Variants in AGBL4 observed in about 807,000 individuals in gnomAD.
The protein encoded by AGBL4 is AGBL carboxypeptidase 4, also known as cytosolic carboxypeptidase 6.
In AGBL4, 58 loss-of-function variants were observed where a neutral mutation model predicts 66.4. The ratio of observed to expected loss-of-function variants is 0.87; its 90% confidence interval spans 0.71 to 1.09. AGBL4 has a LOEUF of 1.09. AGBL4 is among the 50% of genes least tolerant of loss of function. The pLI, the probability that AGBL4 is intolerant of heterozygous loss-of-function variation, is 0.00. For missense variants in AGBL4, 579 were observed against 631.0 expected (o/e 0.92, Z 0.88); for synonymous variants, 234 against 222.9 (o/e 1.05, Z -0.44).
At chr1:48,703,473 C>T (rs538747706) in intron 6 of AGBL4, among the ~76,000 whole-genome samples, 25 of 151,830 alleles carry the variant, frequency 1.6e-4, no homozygotes, top group South Asian at 8.4e-4. Flanking sequence ...AGTCTAGATT[C>T]GAATTATCAA....
At chr1:48,631,613 C>T (rs1318919331) in intron 9 of AGBL4, among the ~76,000 whole-genome samples, 7 of 152,270 alleles carry the variant, frequency 4.6e-5, no homozygotes, top group African/African-American at 1.2e-4. Flanking sequence ...AGGCTGGTCT[C>T]GAACTCCTGA....
At chr1:49,478,248 G>A (rs1207192883) in intron 3 of AGBL4, among the ~76,000 whole-genome samples, 1 of 151,286 alleles carries the variant, frequency 6.6e-6, no homozygotes, top group East Asian at 2.0e-4. Flanking sequence ...ACCAATAGAA[G>A]ACTAACTCAA....
intron 3 of AGBL4, among the ~76,000 whole-genome samples, chr1:49,441,981 T>A (rs1280115123): frequency 6.6e-6 from 1 of 152,172 alleles, no homozygotes; most frequent in East Asian, 1.9e-4. Context: ...AGTGCCCAAT[T>A]TGTCAGCAGC....
chr1:49,946,454 T>A (rs558636532), intron 1 of AGBL4, among the ~76,000 whole-genome samples: 93 of 152,210 alleles, frequency 6.1e-4, no homozygotes, highest in African/African-American at 1.8e-3. Context: ...TGCTCCTGAA[T>A]GATCATTGAG....
At chr1:49,960,396 A>C (rs1657020723) in intron 1 of AGBL4, among the ~76,000 whole-genome samples, 1 of 152,082 alleles carries the variant, frequency 6.6e-6, no homozygotes, top group Non-Finnish European at 1.5e-5. Context: ...AGTAGAACAG[A>C]AGTTACTATA....
chr1:49,424,324 C>T (rs181128264), intron 3 of AGBL4, among the ~76,000 whole-genome samples: 6 of 152,238 alleles, frequency 3.9e-5, no homozygotes, highest in South Asian at 2.1e-4. Flanking sequence ...TCCCCTCCTC[C>T]GCTCTTGGAG....
At chr1:49,308,659 C>A (rs1363043086) in intron 3 of AGBL4, among the ~76,000 whole-genome samples, 1 of 152,040 alleles carries the variant, frequency 6.6e-6, no homozygotes, top group African/African-American at 2.4e-5. Flanking sequence ...CTTCTTCTAA[C>A]ATTTATATTT....
At chr1:49,468,831 T>G (rs2148709437) in intron 3 of AGBL4, among the ~76,000 whole-genome samples, 2 of 152,024 alleles carry the variant, frequency 1.3e-5, no homozygotes, top group East Asian at 3.9e-4. Context: ...AAGCATTGTA[T>G]GTGTATATAA....
intron 9 of AGBL4, among the ~76,000 whole-genome samples, chr1:48,604,538 C>A (rs1645126995): frequency 6.6e-6 from 1 of 151,754 alleles, no homozygotes; most frequent in Non-Finnish European, 1.5e-5. Context: ...TAAGTGACTA[C>A]AGAGGAGGTC....
intron 2 of AGBL4, among the ~76,000 whole-genome samples, chr1:49,734,029 A>C (rs1649665704): frequency 1.3e-5 from 2 of 152,186 alleles, no homozygotes; most frequent in South Asian, 4.1e-4. Context: ...AAGAGTATTA[A>C]AATAATAAGA....
intron 3 of AGBL4, among the ~76,000 whole-genome samples, chr1:49,586,715 C>T (rs532622738): frequency 1.2e-4 from 18 of 152,188 alleles, no homozygotes; most frequent in Non-Finnish European, 2.5e-4. Flanking sequence ...GTGCTCTTTT[C>T]GTTAAAGCAG....
intron 5 of AGBL4, among the ~76,000 whole-genome samples, chr1:48,913,138 G>A (rs866213485): frequency 1.3e-5 from 2 of 152,324 alleles, no homozygotes; most frequent in South Asian, 2.1e-4. Flanking sequence ...ACTGGATCAT[G>A]CAAGACCTTG....
chr1:49,682,296 CA>C (rs1646709945), intron 3 of AGBL4, among the ~76,000 whole-genome samples: 2 of 152,022 alleles, frequency 1.3e-5, no homozygotes, highest in Admixed American at 1.3e-4. Flanking sequence ...GTCCCAGGTA[CA>C]GGAGGCTGAG....
chr1:49,215,609 T>G (rs1649025059), intron 4 of AGBL4, among the ~76,000 whole-genome samples: 1 of 152,110 alleles, frequency 6.6e-6, no homozygotes, highest in Non-Finnish European at 1.5e-5. Context: ...TCACATTCTC[T>G]TCCCATATCA....
At chr1:48,619,707 C>G (rs1474485183) in intron 9 of AGBL4, among the ~76,000 whole-genome samples, 3 of 152,188 alleles carry the variant, frequency 2.0e-5, no homozygotes, top group Non-Finnish European at 4.4e-5. Flanking sequence ...CTGAGTAAGT[C>G]AATCCTCCCG....
chr1:48,751,311 A>G (rs894911303), intron 6 of AGBL4, among the ~76,000 whole-genome samples: 10 of 152,234 alleles, frequency 6.6e-5, no homozygotes, highest in African/African-American at 1.9e-4. Context: ...AATGCACTGC[A>G]GTACTGGATG....
chr1:49,989,854 A>C (rs1201267147), intron 1 of AGBL4, among the ~76,000 whole-genome samples: 1 of 152,206 alleles, frequency 6.6e-6, no homozygotes, highest in Non-Finnish European at 1.5e-5. Context: ...CAGATCTTAC[A>C]GTAGCTGTAC....
At chr1:49,256,920 A>G (rs915600063) in intron 3 of AGBL4, among the ~76,000 whole-genome samples, 8 of 152,186 alleles carry the variant, frequency 5.3e-5, no homozygotes, top group African/African-American at 1.9e-4. Context: ...TCCATATGGA[A>G]CAAACCAAGC....
At chr1:48,591,031 T>G in intron 9 of AGBL4, 46 bp from the exon 10 acceptor site, 1 of 1,550,088 alleles carries the variant, frequency 6.5e-7, no homozygotes, top group Non-Finnish European at 8.7e-7. Context: ...GCTGTAGAGC[T>G]TGTGTATAAG....
Sources: allele counts gnomAD v4.1 joint callset (sites outside exome capture counted in the v4.1 genomes callset), GRCh38; gene constraint gnomAD v4.1.1; transcripts MANE v1.5; gene names NCBI Gene and HGNC (gene_info 2026-07-23, HGNC 2026-07-21).